PALLD: variants seen among roughly 807,000 people sequenced by gnomAD.
PALLD encodes palladin, cytoskeletal associated protein.
A neutral mutation model predicts 123.5 loss-of-function variants in PALLD; 61 were observed. That is an observed-to-expected ratio of 0.49 (90% CI 0.40 to 0.61). The LOEUF is 0.61. PALLD is among the 20% of genes least tolerant of loss of function. The pLI, the probability that PALLD is intolerant of heterozygous loss-of-function variation, is 0.00. For synonymous variants in PALLD, 465 were observed against 496.4 expected (o/e 0.94, Z 0.84); for missense variants, 1,273 against 1,377.0 (o/e 0.92, Z 1.20).
intron 10 of PALLD, among the ~76,000 whole-genome samples, chr4:168,870,553 A>G (rs1490345046): frequency 6.6e-6 from 1 of 152,210 alleles, no homozygotes. Flanking sequence ...GCATATGCAT[A>G]AGGTTAATAT....
At chr4:168,922,535 G>C (rs951007267) in intron 18 of PALLD, among the ~76,000 whole-genome samples, 2 of 152,140 alleles carry the variant, frequency 1.3e-5, no homozygotes, top group East Asian at 3.9e-4. Flanking sequence ...GACTCCTAGT[G>C]CTCTTCTAAA....
In PALLD at chr4:168,926,957, T is replaced by TATCA. The variant is rs1553985940; in HGVS notation, c.*779_*782dup. 4.6e-6 allele frequency: 1 copy of TATCA among 219,706 alleles called. No homozygotes were observed. The highest frequency in any genetic ancestry group is 9.1e-6 in the Non-Finnish European group (1 of 109,336). The allele number at this position is 219,706 out of a possible 1,614,324, so 13.6% of individuals were successfully genotyped here. A position where few individuals can be genotyped will look rare whatever the true frequency, so the allele number is the denominator to read the frequency against. On this transcript the variant is annotated 3_prime_UTR_variant, in exon 22 of 22. Transcript: ENST00000505667. ...AGGAACTACTTGCCTTAAATGTTAA[T>TATCA]ATCAAAAGAGTTTTCTAACAAGGTT...
intron 10 of PALLD, among the ~76,000 whole-genome samples, chr4:168,793,869 A>G (rs1738001629): frequency 6.6e-6 from 1 of 152,148 alleles, no homozygotes; most frequent in South Asian, 2.1e-4. Flanking sequence ...TTCTCAGTAT[A>G]GTAATTAAAA....
intron 10 of PALLD, among the ~76,000 whole-genome samples, chr4:168,780,101 G>A (rs1735702560): frequency 6.6e-6 from 1 of 152,078 alleles, no homozygotes; most frequent in Non-Finnish European, 1.5e-5. Flanking sequence ...GTTTCACCAT[G>A]TTAGCCAGGC....
chr4:168,691,291 T>A lies in PALLD; in HGVS notation c.1500T>A (p.Pro500=), dbSNP rs1298864498. The change falls in exon 8 of 22, where the codon CCT becomes CCA. Residue 500 remains proline, a splice_region_variant and synonymous_variant. Coordinates refer to ENST00000505667, the MANE Select transcript of PALLD (RefSeq NM_001166108.2). ...CAGAACCTAGATCTACAGCTGAACC[T>A]GGTAAGAATATTTTTAGGGTTTTTT... The part of the protein sequence containing the change: ...LQKKPRSTAE[P]EEICTLVIAE... 3.1e-6 allele frequency: 5 copies of A among 1,608,034 alleles called. No homozygotes were observed. The East Asian group carries it at 1.1e-4, about 36-fold the overall frequency.
intron 10 of PALLD, among the ~76,000 whole-genome samples, chr4:168,826,405 T>C (rs1743426732): frequency 2.0e-5 from 3 of 152,210 alleles, no homozygotes; most frequent in Non-Finnish European, 4.4e-5. Flanking sequence ...TCCTTGGAGC[T>C]TGGACTCTGG....
intron 10 of PALLD, among the ~76,000 whole-genome samples, chr4:168,762,183 G>T (rs1367302396): frequency 6.6e-6 from 1 of 152,088 alleles, no homozygotes; most frequent in Non-Finnish European, 1.5e-5. Flanking sequence ...ACATAAAAAT[G>T]CCATTCTCGG....
intron 2 of PALLD, among the ~76,000 whole-genome samples, chr4:168,526,821 TA>T (rs1201905389): frequency 4.8e-5 from 7 of 144,458 alleles, no homozygotes; most frequent in South Asian, 2.2e-4. Flanking sequence ...AAGCCAGGGG[TA>T]AAAAAAAAAA....
intron 2 of PALLD, among the ~76,000 whole-genome samples, chr4:168,562,372 A>G (rs1311566765): frequency 1.3e-5 from 2 of 152,246 alleles, no homozygotes; most frequent in Non-Finnish European, 2.9e-5. Flanking sequence ...AAAGAAGTTC[A>G]GGAGTAAGTC....
chr4:168,623,124 C>A (rs1422045790), intron 2 of PALLD, among the ~76,000 whole-genome samples: 1 of 152,104 alleles, frequency 6.6e-6, no homozygotes, highest in Non-Finnish European at 1.5e-5. Context: ...GTATAAGATA[C>A]CATGAGAAAA....
chr4:168,715,867 G>A (rs973818470), intron 10 of PALLD, among the ~76,000 whole-genome samples: 5 of 151,924 alleles, frequency 3.3e-5, no homozygotes, highest in Admixed American at 6.6e-5. Flanking sequence ...GGAGAATGGC[G>A]TGAACCCGGA....
intron 10 of PALLD, among the ~76,000 whole-genome samples, chr4:168,881,061 C>T (rs556118149): frequency 6.6e-6 from 1 of 152,068 alleles, no homozygotes; most frequent in Non-Finnish European, 1.5e-5. Flanking sequence ...TGGGCCATCA[C>T]GTCCGTCTAG....
intron 10 of PALLD, among the ~76,000 whole-genome samples, chr4:168,730,205 C>T (rs975255197): frequency 6.6e-6 from 1 of 151,976 alleles, no homozygotes; most frequent in Admixed American, 6.6e-5. Context: ...CTTTTGTTGC[C>T]TATTTTTATT....
intron 2 of PALLD, among the ~76,000 whole-genome samples, chr4:168,640,814 C>G (rs768915410): frequency 4.6e-5 from 7 of 152,210 alleles, no homozygotes; most frequent in Non-Finnish European, 2.9e-5. Context: ...ACTTATGTTT[C>G]CTGTCTTTAA....
chr4:168,797,693 C>T (rs1265642038), intron 10 of PALLD, among the ~76,000 whole-genome samples: 1 of 152,050 alleles, frequency 6.6e-6, no homozygotes, highest in Non-Finnish European at 1.5e-5. Flanking sequence ...CCATATGTTA[C>T]CTTGCAAGAA....
intron 2 of PALLD, among the ~76,000 whole-genome samples, chr4:168,642,648 C>T (rs1245920366): frequency 6.6e-6 from 1 of 152,184 alleles, no homozygotes; most frequent in Non-Finnish European, 1.5e-5. Context: ...GCGATCCACC[C>T]GCCTTGGTCT....
intron 8 of PALLD, among the ~76,000 whole-genome samples, chr4:168,705,057 A>G (rs1784098918): frequency 6.6e-6 from 1 of 152,162 alleles, no homozygotes; most frequent in Non-Finnish European, 1.5e-5. Context: ...ATTTTTGCCA[A>G]AGAAAGTTTC....
chr4:168,887,024 G>A (rs538975442), intron 10 of PALLD, among the ~76,000 whole-genome samples: 10 of 151,148 alleles, frequency 6.6e-5, no homozygotes, highest in Non-Finnish European at 1.5e-4. Flanking sequence ...GGCTGAGGCA[G>A]GAGAACTGCT....
rs57016507 is a variant in PALLD at position 168,628,236 on chromosome 4, T to C, written c.909-39954T>C. On this transcript the variant is annotated intron_variant, in intron 2 of 21. Transcript: ENST00000505667. ...ATCAGTGGGATTCTGATTGAATAAATCGTGGTGCATTTATCCAAGGGAATG... is the reference window on the plus strand; with the variant it reads ...ATCAGTGGGATTCTGATTGAATAAACCGTGGTGCATTTATCCAAGGGAATG... Among the ~76,000 whole-genome samples the C allele has an allele frequency of 9.7e-3, 1,475 of 152,330 alleles. 14 individuals are homozygous for C. Among genetic ancestry groups the C allele is most frequent in the African/African-American group, 0.029 (1,223 of 41,568 alleles).
Sources: allele counts gnomAD v4.1 joint callset (sites outside exome capture counted in the v4.1 genomes callset), GRCh38; gene constraint gnomAD v4.1.1; transcripts MANE v1.5; gene names NCBI Gene and HGNC (gene_info 2026-07-23, HGNC 2026-07-21).